Variants in GABRB3 observed in about 807,000 individuals in gnomAD.
GABRB3 encodes the protein gamma-aminobutyric acid receptor subunit beta-3.
A neutral mutation model predicts 52.1 loss-of-function variants in GABRB3; 14 were observed. The observed-to-expected ratio is 0.27, with a 90% CI of 0.18 to 0.42. The LOEUF is 0.42. Ranked by LOEUF, GABRB3 falls within the 10% of genes least tolerant of loss-of-function variation. The pLI is 1.00. For synonymous variants in GABRB3, 260 were observed against 232.3 expected (o/e 1.12, Z -1.08); for missense variants, 307 against 609.1 (o/e 0.50, Z 5.22).
chr15:26,762,675 T>C (rs1159181401), intron 3 of GABRB3, among the ~76,000 whole-genome samples: 1 of 152,258 alleles, frequency 6.6e-6, no homozygotes, highest in African/African-American at 2.4e-5. Flanking sequence ...TCCAATATTA[T>C]TTGAGCAGAA....
intron 3 of GABRB3, among the ~76,000 whole-genome samples, chr15:26,661,694 C>A (rs1015788992): frequency 2.0e-5 from 3 of 152,010 alleles, no homozygotes; most frequent in Admixed American, 6.6e-5. Flanking sequence ...GAGTGGGGAT[C>A]GGAAGGGGTC....
chr15:26,569,018 A>C (rs1890294234), intron 6 of GABRB3, among the ~76,000 whole-genome samples: 1 of 151,938 alleles, frequency 6.6e-6, no homozygotes, highest in East Asian at 1.9e-4. Context: ...CTTCTTTCTG[A>C]AGCTGCCCAC....
At chr15:26,709,145 A>G (rs1889201956) in intron 3 of GABRB3, among the ~76,000 whole-genome samples, 1 of 152,236 alleles carries the variant, frequency 6.6e-6, no homozygotes, top group Non-Finnish European at 1.5e-5. Flanking sequence ...TTTATAGTCA[A>G]GCAATCATCA....
At chr15:26,717,144 G>A (rs1369686435) in intron 3 of GABRB3, among the ~76,000 whole-genome samples, 1 of 144,202 alleles carries the variant, frequency 6.9e-6, no homozygotes, top group Admixed American at 6.9e-5. Context: ...CCAGCTCTGA[G>A]GACCTCCACC....
intron 3 of GABRB3, among the ~76,000 whole-genome samples, chr15:26,674,400 C>CAAAAAAAAAAA (rs55723767): frequency 2.3e-4 from 20 of 86,742 alleles, no homozygotes; most frequent in South Asian, 8.8e-4. Context: ...GACTCAGTTT[C>CAAAAAAAAAAA]AAAAAAAAAA....
intron 3 of GABRB3, among the ~76,000 whole-genome samples, chr15:26,698,866 C>T (rs1371198438): frequency 1.3e-5 from 2 of 152,174 alleles, no homozygotes; most frequent in African/African-American, 4.8e-5. Flanking sequence ...TATAGTAAAT[C>T]TAATTCATCA....
intron 4 of GABRB3, among the ~76,000 whole-genome samples, chr15:26,601,198 C>G (rs895421569): frequency 1.3e-5 from 2 of 152,008 alleles, no homozygotes; most frequent in African/African-American, 4.8e-5. Context: ...CCGAGGCGGG[C>G]AGATCACCTG....
At chr15:26,740,380 G>T (rs1428695564) in intron 3 of GABRB3, among the ~76,000 whole-genome samples, 1 of 151,986 alleles carries the variant, frequency 6.6e-6, no homozygotes, top group Non-Finnish European at 1.5e-5. Flanking sequence ...ACTATGAGGG[G>T]GAAGACAGGC....
intron 3 of GABRB3, among the ~76,000 whole-genome samples, chr15:26,640,313 C>T (rs1284585219): frequency 6.6e-6 from 1 of 152,056 alleles, no homozygotes. Context: ...GTCAGGAGAT[C>T]AAGACCATGG....
chr15:26,698,022 C>T (rs1888799846), intron 3 of GABRB3, among the ~76,000 whole-genome samples: 1 of 152,218 alleles, frequency 6.6e-6, no homozygotes, highest in African/African-American at 2.4e-5. Flanking sequence ...TCAAAGGAGT[C>T]CCAGCTCATC....
chr15:26,710,436 A>G (rs546850476), intron 3 of GABRB3, among the ~76,000 whole-genome samples: 13 of 152,020 alleles, frequency 8.6e-5, no homozygotes, highest in Non-Finnish European at 1.8e-4. Flanking sequence ...TAATTTTTCT[A>G]TTTTTAGTAG....
At chr15:26,598,965 A>G (rs1194834920) in intron 4 of GABRB3, among the ~76,000 whole-genome samples, 1 of 152,202 alleles carries the variant, frequency 6.6e-6, no homozygotes, top group Non-Finnish European at 1.5e-5. Context: ...CAACATGCTC[A>G]GCCTCAGGGC....
intron 3 of GABRB3, among the ~76,000 whole-genome samples, chr15:26,648,543 A>G (rs1296295933): frequency 6.6e-6 from 1 of 152,190 alleles, no homozygotes; most frequent in African/African-American, 2.4e-5. Context: ...AGGGGCAGAG[A>G]AAGGGCCATC....
intron 5 of GABRB3, among the ~76,000 whole-genome samples, chr15:26,580,971 T>C (rs897830041): frequency 6.6e-6 from 1 of 152,214 alleles, no homozygotes; most frequent in Non-Finnish European, 1.5e-5. Flanking sequence ...GATGGTTTTA[T>C]CAGCTCTTCC....
intron 3 of GABRB3, chr15:26,628,988 G>A: frequency 1.3e-6 from 2 of 1,536,162 alleles, no homozygotes; most frequent in Non-Finnish European, 1.7e-6. Context: ...TCTTCTGTCT[G>A]GTAGGTGGCC....
upstream of GABRB3, among the ~76,000 whole-genome samples, chr15:26,773,297 G>A (rs1387789023): frequency 2.7e-5 from 4 of 150,432 alleles, no homozygotes; most frequent in Non-Finnish European, 4.5e-5. Flanking sequence ...CGCCGCACGG[G>A]ACTCGGACCT....
chr15:26,624,130 C>G, intron 3 of GABRB3: 3 of 936,602 alleles, frequency 3.2e-6, no homozygotes, highest in Non-Finnish European at 2.5e-6. Flanking sequence ...GAAAGGTTCT[C>G]GGACACTGGG....
chr15:26,587,167 G>A (rs931093328), intron 4 of GABRB3, among the ~76,000 whole-genome samples: 4 of 151,954 alleles, frequency 2.6e-5, no homozygotes, highest in African/African-American at 7.3e-5. Context: ...GTTCCGCCAC[G>A]CAACTCCCTC....
At chr15:26,622,519 G>GA (rs1469738823) in intron 3 of GABRB3, among the ~76,000 whole-genome samples, 6 of 152,154 alleles carry the variant, frequency 3.9e-5, no homozygotes, top group East Asian at 3.9e-4. Flanking sequence ...CCACGGAGGG[G>GA]AAAAAATCGC....
Sources: gnomAD v4.1 joint callset for allele counts (sites outside exome capture counted in the v4.1 genomes callset) on GRCh38, gnomAD v4.1.1 for gene constraint, MANE v1.5 for transcripts, NCBI Gene and HGNC (gene_info 2026-07-23, HGNC 2026-07-21) for gene names.